Variants in SUPT16H observed in about 807,000 individuals in gnomAD.
The protein encoded by SUPT16H is SPT16 homolog, facilitates chromatin remodeling subunit, also known as FACT complex subunit SPT16.
Under a neutral mutation model 136.2 loss-of-function variants are expected in SUPT16H, and 24 were observed. That is an observed-to-expected ratio of 0.18 (90% CI 0.13 to 0.25). The LOEUF (loss-of-function observed/expected upper bound fraction) is 0.25, where lower values mean the gene tolerates loss of function less well. Ranked by LOEUF, SUPT16H falls within the 10% of genes least tolerant of loss-of-function variation. The probability of loss-of-function intolerance (pLI) is 1.00; values close to 1 mark genes in which losing one functional copy is unlikely to be tolerated. For synonymous variants in SUPT16H, 415 were observed against 428.2 expected (o/e 0.97, Z 0.38); for missense variants, 623 against 1,270.2 (o/e 0.49, Z 7.74).
At position 21,353,765 on chromosome 14, in the gene SUPT16H, T is replaced by C. The variant is rs1886372603; in HGVS notation, c.2858A>G (p.Asp953Gly). 6.2e-7 allele frequency: 1 copy of C among 1,613,948 alleles called. No individual in the cohort carries two copies. Among genetic ancestry groups the C allele is most frequent in the Non-Finnish European group, 8.5e-7 (1 of 1,179,966 alleles). ...GTCCTCCTCTTCCTCTTCATAGTCATCTTCTGAAGGATTAAAAGTCTCATC... is the reference window on the plus strand; with the variant it reads ...GTCCTCCTCTTCCTCTTCATAGTCACCTTCTGAAGGATTAAAAGTCTCATC... ...IEDETFNPSE[D>G]DYEEEEEDSD... The change falls in exon 24 of 26, where the codon GAT becomes GGT. Residue 953 changes from aspartate (D) to glycine (G), a missense_variant. Coordinates refer to ENST00000216297, the MANE Select transcript of SUPT16H (RefSeq NM_007192.4).
chr14:21,360,318 G>A (rs560831865), intron 18 of SUPT16H, 97 bp downstream of exon 18: 73 of 975,100 alleles, frequency 7.5e-5, no homozygotes, highest in African/African-American at 4.3e-4. Context: ...ATGAGCCACC[G>A]CGCCCAGCCC....
chr14:21,355,379 G>A lies in SUPT16H; in HGVS notation c.2661-839C>T, dbSNP rs9944050. 1.2e-3 allele frequency among the ~76,000 whole-genome samples: 184 copies of A among 152,092 alleles called. 2 individuals carry two copies. The highest frequency in any genetic ancestry group is 3.5e-3 in the African/African-American group (147 of 41,498). On this transcript the variant is annotated intron_variant, in intron 22 of 25. Transcript: ENST00000216297. The stretch of plus-strand genomic sequence containing the variant: ...ATGGTAGCACGCGCCTGTAGTCCCA[G>A]CTACTTGGGAGGCTGAAGCAGGAGA...
In SUPT16H at chr14:21,352,596, A is replaced by G. The variant is rs1471606540; in HGVS notation, c.*77T>C. 6.3e-7 allele frequency: 1 copy of G among 1,595,800 alleles called. No individual in the cohort carries two copies. The highest frequency in any genetic ancestry group is 8.5e-7 in the Non-Finnish European group (1 of 1,172,580). ...AACTTCAAATGAAAACGAAAGGAAA[A>G]ATACAGTTTCTATGTCATGTAAAAT... is the stretch of plus-strand genomic sequence containing the variant. On this transcript the variant is annotated 3_prime_UTR_variant, in exon 26 of 26. Transcript: ENST00000216297.
intron 4 of SUPT16H, 123 bp from the exon 5 acceptor site, chr14:21,370,019 G>C: frequency 1.7e-6 from 2 of 1,185,658 alleles, no homozygotes; most frequent in Non-Finnish European, 2.4e-6. Context: ...CTGGTTTGCA[G>C]AATATTCAAA....
At chr14:21,382,884 G>C (rs746481842) in intron 1 of SUPT16H, 5 of 152,100 alleles carry the variant, frequency 3.3e-5, no homozygotes, top group African/African-American at 1.2e-4. Flanking sequence ...GCAAGGAAAC[G>C]ACCAATTTTA....
intron 8 of SUPT16H, 52 bp from the exon 9 acceptor site, chr14:21,365,195 A>G (rs759387777): frequency 1.1e-5 from 16 of 1,503,576 alleles, no homozygotes; most frequent in Non-Finnish European, 1.5e-5. Context: ...TCTAACATGG[A>G]TCAAGCATAA....
rs1414524221 is a variant in SUPT16H, at chr14:21,369,882, T to G, written c.498A>C (p.Ala166=). The G allele has an allele frequency of 6.2e-7, 1 of 1,614,090 alleles. No individual in the cohort carries two copies. Among genetic ancestry groups the G allele is most frequent in the South Asian group, 1.1e-5 (1 of 91,032 alleles). ...TTACAGCGATGGTATATGCCACAAC[T>G]GCACTGATATCTATCTGCAGTCAAA... ...KEGFDKIDIS[A]VVAYTIAVKE... is the part of the protein sequence containing the mutation. Residue 166 remains alanine (A), a synonymous_variant, in exon 5 of 26, where the codon GCA becomes GCC. Coordinates refer to ENST00000216297, the MANE Select transcript of SUPT16H (RefSeq NM_007192.4).
At chr14:21,362,354 C>G (rs779630228) in intron 14 of SUPT16H, 30 bp from the exon 15 acceptor site, 2 of 1,594,118 alleles carry the variant, frequency 1.3e-6, no homozygotes, top group Non-Finnish European at 1.7e-6. Flanking sequence ...AAAAAGTAAA[C>G]AGATTTCTTT....
At position 21,370,505 on chromosome 14, in the gene SUPT16H, GA is replaced by G; in HGVS notation, c.331-18del. On this transcript the variant is annotated intron_variant, in intron 3 of 25. Transcript: ENST00000216297. The stretch of plus-strand genomic sequence containing the variant: ...ACTTTCATTCTGTCAGTGTCATAGG[GA>G]AGAAAAGACACATATGTTTTACCAG... The G allele has an allele frequency of 6.2e-7, 1 of 1,612,882 alleles. No homozygotes were observed. Among genetic ancestry groups the G allele is most frequent in the Non-Finnish European group, 8.5e-7 (1 of 1,179,486 alleles).
chr14:21,382,221 C>T (rs1383308440), intron 1 of SUPT16H, among the ~76,000 whole-genome samples: 3 of 152,192 alleles, frequency 2.0e-5, no homozygotes, highest in Non-Finnish European at 4.4e-5. Context: ...TTAACTGGTA[C>T]ATTTTTACAT....
At position 21,383,930 on chromosome 14, in the gene SUPT16H, C is replaced by G. The variant is rs373658344; in HGVS notation, c.-3G>C. The G allele has an allele frequency of 8.6e-5, 139 of 1,612,284 alleles. 1 individual carries two copies. The African/African-American group carries it at 1.6e-3, about 18-fold the overall frequency. On this transcript the variant is annotated 5_prime_UTR_variant, in exon 1 of 26. Transcript: ENST00000216297. ...TCTTTGTCCAGAGTCACAGCCATAG[C>G]CCCGGACGCCGCTTCTCCTCGGGTT... is the stretch of plus-strand genomic sequence containing the variant.
At chr14:21,367,943 T>C (rs1420771693) in intron 7 of SUPT16H, among the ~76,000 whole-genome samples, 1 of 152,162 alleles carries the variant, frequency 6.6e-6, no homozygotes, top group Admixed American at 6.6e-5. Flanking sequence ...CAGGCTGGAG[T>C]GCAGTGGCGC....
chr14:21,358,968 C>A (rs929145247), intron 19 of SUPT16H, among the ~76,000 whole-genome samples: 1 of 152,008 alleles, frequency 6.6e-6, no homozygotes. Context: ...CTACACCCGG[C>A]TAATTTTTTT....
intron 1 of SUPT16H, among the ~76,000 whole-genome samples, chr14:21,373,842 C>T (rs1463407008): frequency 6.6e-6 from 1 of 152,192 alleles, no homozygotes; most frequent in East Asian, 1.9e-4. Flanking sequence ...ATTCTCCTGC[C>T]TCAGCCTCCC....
At position 21,372,047 on chromosome 14, in the gene SUPT16H, A is replaced by G. The variant is rs1351367916; in HGVS notation, c.160-3T>C. The G allele has an allele frequency of 3.1e-6, 5 of 1,608,262 alleles. No individual in the cohort carries two copies. The South Asian group carries it at 4.4e-5, about 14-fold the overall frequency. On this transcript the variant is annotated splice_polypyrimidine_tract_variant and splice_region_variant and intron_variant, in intron 2 of 25. Coordinates refer to ENST00000216297, the MANE Select transcript of SUPT16H (RefSeq NM_007192.4). ...AGTTCATAACCAAAGAGCCATGTCT[A>G]TGGAAAAAGACAACAGTGACAACGG... is the stretch of plus-strand genomic sequence containing the variant.
Position 21,370,366 on chromosome 14 carries a change from A to T in SUPT16H, c.453T>A (p.Asn151Lys). The T allele has an allele frequency of 6.2e-7, 1 of 1,612,560 alleles. No individual in the cohort carries two copies. The highest frequency in any genetic ancestry group is 2.0e-4 in the Middle Eastern group (1 of 5,126). ...CAAAGCCTTCTTTGTTGAGGCAGTCATTCCAGCTCTTCATGAACTCTCCAG... is the reference window on the plus strand; with the variant it reads ...CAAAGCCTTCTTTGTTGAGGCAGTCTTTCCAGCTCTTCATGAACTCTCCAG... ...KFPGEFMKSW[N>K]DCLNKEGFDK... is the part of the protein sequence containing the mutation. The change falls in exon 4 of 26, where the codon AAT becomes AAA. Residue 151 changes from asparagine to lysine, a missense_variant. Asn to Lys is a moderately conservative substitution (Grantham distance 94, BLOSUM62 0). Transcript: ENST00000216297.
chr14:21,369,499 G>T, intron 5 of SUPT16H, 144 bp from the exon 6 acceptor site: 1 of 1,125,912 alleles, frequency 8.9e-7, no homozygotes, highest in East Asian at 2.4e-5. Flanking sequence ...TGGTATGCAG[G>T]CAAAACACAT....
intron 2 of SUPT16H, 37 bp from the exon 3 acceptor site, chr14:21,372,081 G>A (rs771206509): frequency 1.3e-6 from 2 of 1,577,036 alleles, no homozygotes; most frequent in African/African-American, 1.4e-5. Context: ...GGTATTTACA[G>A]ATACAAAAAT....
intron 7 of SUPT16H, among the ~76,000 whole-genome samples, chr14:21,367,173 C>T (rs1001843199): frequency 2.0e-5 from 3 of 152,186 alleles, no homozygotes; most frequent in Non-Finnish European, 2.9e-5. Flanking sequence ...CCTCATGATC[C>T]GCCTACCTTG....
Sources: gnomAD v4.1 joint callset for allele counts (sites outside exome capture counted in the v4.1 genomes callset) on GRCh38, gnomAD v4.1.1 for gene constraint, MANE v1.5 for transcripts, NCBI Gene and HGNC (gene_info 2026-07-23, HGNC 2026-07-21) for gene names.